The following NEGR1 variants were observed in gnomAD, a reference collection of about 807,000 sequenced individuals.
NEGR1 encodes the protein neuronal growth regulator 1.
NEGR1 carries 10 observed loss-of-function variants against 40.9 expected under a neutral mutation model. The ratio of observed to expected loss-of-function variants is 0.24; its 90% CI spans 0.15 to 0.42. The LOEUF (loss-of-function observed/expected upper bound fraction) is 0.42. NEGR1 is among the 10% of genes least tolerant of loss of function. NEGR1 has a pLI of 1.00. For synonymous variants in NEGR1, 185 were observed against 166.8 expected, an observed-to-expected ratio of 1.11 and a Z score of -0.84; for missense variants, 352 against 438.9, an observed-to-expected ratio of 0.80 and a Z score of 1.77.
chr1:71,507,236 C>T (rs568499284), intron 6 of NEGR1, among the ~76,000 whole-genome samples: 21 of 152,284 alleles, frequency 1.4e-4, no homozygotes, highest in African/African-American at 4.6e-4. Context: ...ACTATTTAGC[C>T]TGATCCCAGA....
At chr1:71,884,043 A>G (rs537004567) in intron 2 of NEGR1, among the ~76,000 whole-genome samples, 2 of 151,972 alleles carry the variant, frequency 1.3e-5, no homozygotes, top group African/African-American at 4.8e-5. Context: ...TAACCATAAC[A>G]CCATCCTACC....
chr1:71,536,139 A>G (rs1315707185), intron 6 of NEGR1, among the ~76,000 whole-genome samples: 1 of 151,758 alleles, frequency 6.6e-6, no homozygotes, highest in African/African-American at 2.4e-5. Flanking sequence ...TAAGGAAACT[A>G]TATAATTAAC....
chr1:71,898,615 A>G (rs1177414095), intron 2 of NEGR1, among the ~76,000 whole-genome samples: 4 of 152,022 alleles, frequency 2.6e-5, no homozygotes, highest in African/African-American at 9.6e-5. Context: ...ACTCCGTCTC[A>G]AAAAACAAAG....
At chr1:71,491,989 A>C (rs1326316455) in intron 6 of NEGR1, among the ~76,000 whole-genome samples, 1 of 152,078 alleles carries the variant, frequency 6.6e-6, no homozygotes. Context: ...ATTCACTTAT[A>C]AAAGAGGCAT....
intron 2 of NEGR1, among the ~76,000 whole-genome samples, chr1:71,851,563 C>T (rs1268125583): frequency 2.0e-5 from 3 of 152,040 alleles, no homozygotes; most frequent in African/African-American, 4.8e-5. Context: ...GGGATCTGCA[C>T]AATCAGCAAC....
At chr1:71,588,564 A>G (rs1427438982) in intron 6 of NEGR1, among the ~76,000 whole-genome samples, 1 of 152,134 alleles carries the variant, frequency 6.6e-6, no homozygotes, top group Non-Finnish European at 1.5e-5. Context: ...TCTTTATTTT[A>G]GAAAACATAC....
intron 3 of NEGR1, among the ~76,000 whole-genome samples, chr1:71,722,006 C>T (rs1376441858): frequency 6.6e-6 from 1 of 152,048 alleles, no homozygotes; most frequent in East Asian, 1.9e-4. Context: ...GAAGTCAGTT[C>T]ACATGTAGAT....
At chr1:71,407,958 T>C in intron 6 of NEGR1, 1 of 162,032 alleles carries the variant, frequency 6.2e-6, no homozygotes, top group Non-Finnish European at 1.3e-5. Flanking sequence ...CATGTGTATA[T>C]ATAGCTGTGT....
chr1:71,872,974 C>A (rs2101834770), intron 2 of NEGR1, among the ~76,000 whole-genome samples: 1 of 152,126 alleles, frequency 6.6e-6, no homozygotes, highest in South Asian at 2.1e-4. Flanking sequence ...TACCCTTAGA[C>A]TTAACCGATG....
In NEGR1 at chr1:71,631,603, G is replaced by A. The variant is rs556720188; in HGVS notation, c.668-20457C>T. 2.0e-5 allele frequency among the ~76,000 whole-genome samples: 3 copies of A among 151,818 alleles called. No homozygotes were observed. The South Asian group carries it at 6.2e-4, about 31-fold the overall frequency. On this transcript the variant is annotated intron_variant, in intron 4 of 6. Coordinates refer to ENST00000357731, the MANE Select transcript of NEGR1 (RefSeq NM_173808.3). ...ATTTAGTATAAGGCTTTACCAGTGG[G>A]TAATCAATACATATTTATTGGTAAT... is the stretch of plus-strand genomic sequence containing the variant.
At chr1:71,859,137 G>C (rs1024366212) in intron 2 of NEGR1, among the ~76,000 whole-genome samples, 23 of 151,994 alleles carry the variant, frequency 1.5e-4, no homozygotes, top group Admixed American at 9.9e-4. Context: ...GGCCTGCAAG[G>C]CCCTGTATGA....
intron 6 of NEGR1, among the ~76,000 whole-genome samples, chr1:71,428,653 TA>T (rs1646445147): frequency 6.7e-6 from 1 of 148,940 alleles, no homozygotes. Context: ...TATATAAATT[TA>T]TTTTTTATTA....
rs150113451 is a variant in NEGR1, at chr1:71,727,911, T to C, written c.536-29772A>G. Among the ~76,000 whole-genome samples the C allele has an allele frequency of 1.1e-4, 16 of 152,154 alleles. No individual in the cohort carries two copies. The East Asian group carries it at 2.9e-3, about 28-fold the overall frequency. On this transcript the variant is annotated intron_variant, in intron 3 of 6. Coordinates refer to ENST00000357731, the MANE Select transcript of NEGR1 (RefSeq NM_173808.3). The stretch of plus-strand genomic sequence containing the variant: ...AGTGGGGTGCGAAGCCTTGTAAGTA[T>C]GAAAAGTTAGGAAGCAACTGGAGAG...
At position 72,191,763 on chromosome 1, in the gene NEGR1, G is replaced by GCTTTTGT. The variant is rs1217329165; in HGVS notation, c.176+90555_176+90556insACAAAAG. On this transcript the variant is annotated intron_variant, in intron 1 of 6. Coordinates refer to ENST00000357731, the MANE Select transcript of NEGR1 (RefSeq NM_173808.3). Reference sequence around the variant, plus strand: ...GCAACCTAAAAAGAGCATCACAGGAGAAGGTAACCTTTTGTAAGGCCATTC... The same window carrying GCTTTTGT: ...GCAACCTAAAAAGAGCATCACAGGAGCTTTTGTAAGGTAACCTTTTGTAAGGCCATTC... Among the ~76,000 whole-genome samples the GCTTTTGT allele has an allele frequency of 3.0e-3, 457 of 151,890 alleles. 3 individuals carry two copies. Among genetic ancestry groups the GCTTTTGT allele is most frequent in the African/African-American group, 0.011 (438 of 41,504 alleles).
At chr1:71,611,963 C>T (rs1263102983) in intron 4 of NEGR1, among the ~76,000 whole-genome samples, 1 of 152,190 alleles carries the variant, frequency 6.6e-6, no homozygotes, top group Non-Finnish European at 1.5e-5. Flanking sequence ...TGGCTCACGC[C>T]TGTAATCCCA....
chr1:71,412,528 C>T lies in NEGR1; in HGVS notation c.941-4958G>A, dbSNP rs538654863. 3.9e-5 allele frequency among the ~76,000 whole-genome samples: 6 copies of T among 152,194 alleles called. No individual in the cohort carries two copies. The South Asian group carries it at 1.2e-3, about 32-fold the overall frequency. ...TTATATGTGCATCTGAATCTTATAT[C>T]AAATGTGTTCAATTGATGTTTACTG... On this transcript the variant is annotated intron_variant, in intron 6 of 6. Coordinates refer to ENST00000357731, the MANE Select transcript of NEGR1 (RefSeq NM_173808.3).
At chr1:72,016,834 C>T (rs543368788) in intron 1 of NEGR1, among the ~76,000 whole-genome samples, 340 of 152,190 alleles carry the variant, frequency 2.2e-3, no homozygotes, top group Non-Finnish European at 3.4e-3. Context: ...AGTGTCGAAT[C>T]CAGTTAATTA....
At position 71,652,865 on chromosome 1, in the gene NEGR1, G is replaced by GA. The variant is rs1009288097; in HGVS notation, c.668-41720dup. 3.3e-3 allele frequency among the ~76,000 whole-genome samples: 481 copies of GA among 143,848 alleles called. 2 individuals carry two copies. Among genetic ancestry groups the GA allele is most frequent in the African/African-American group, 9.8e-3 (386 of 39,488 alleles). 94.4% of individuals were successfully genotyped at this position (143,848 alleles called of 152,430 possible). A position where few individuals can be genotyped will look rare whatever the true frequency, so the allele number is the denominator to read the frequency against. On this transcript the variant is annotated intron_variant, in intron 4 of 6. Coordinates refer to ENST00000357731, the MANE Select transcript of NEGR1 (RefSeq NM_173808.3). Reference sequence around the variant, plus strand: ...GGTGAGAGAGTGAGATCTCATCTCAGAAAAAAAAAAAAGTTTGCCACCCCC... The same window carrying GA: ...GGTGAGAGAGTGAGATCTCATCTCAGAAAAAAAAAAAAAGTTTGCCACCCCC...
At chr1:72,066,948 T>C (rs1387863718) in intron 1 of NEGR1, among the ~76,000 whole-genome samples, 1 of 152,106 alleles carries the variant, frequency 6.6e-6, no homozygotes, top group East Asian at 1.9e-4. Context: ...GGAAAGTGTA[T>C]GTTTTAGGTT....
Sources: gnomAD v4.1 joint callset for allele counts (sites outside exome capture counted in the v4.1 genomes callset) on GRCh38, gnomAD v4.1.1 for gene constraint, MANE v1.5 for transcripts, NCBI Gene and HGNC (gene_info 2026-07-23, HGNC 2026-07-21) for gene names.